Variants in ZSCAN22 observed in about 807,000 individuals in gnomAD.
ZSCAN22 encodes zinc finger and SCAN domain containing 22.
In ZSCAN22, 7 loss-of-function variants were observed where a neutral mutation model predicts 12.4. The ratio of observed to expected loss-of-function variants is 0.57; its 90% CI spans 0.32 to 1.06. The LOEUF (loss-of-function observed/expected upper bound fraction) is 1.06, where lower values mean the gene tolerates loss of function less well. Ranked by LOEUF, ZSCAN22 falls within the 50% of genes least tolerant of loss-of-function variation. The pLI is 0.04. For missense variants in ZSCAN22, 576 were observed against 631.7 expected (o/e 0.91, Z 0.94); for synonymous variants, 243 against 255.9 (o/e 0.95, Z 0.48).
intron 1 of ZSCAN22, among the ~76,000 whole-genome samples, chr19:58,328,439 G>C (rs567514540): frequency 1.7e-4 from 26 of 152,270 alleles, no homozygotes; most frequent in African/African-American, 4.8e-4. Context: ...GTAGCAGGGG[G>C]CTATGGTATC....
chr19:58,331,802 C>T (rs918872694), intron 1 of ZSCAN22, among the ~76,000 whole-genome samples: 7 of 152,006 alleles, frequency 4.6e-5, no homozygotes, highest in African/African-American at 1.7e-4. Context: ...AGCTTGGCCT[C>T]CCAAAGTGTT....
At position 58,330,489 on chromosome 19, in the gene ZSCAN22, T is replaced by C. The variant is rs560931148; in HGVS notation, c.-52+3375T>C. On this transcript the variant is annotated intron_variant, in intron 1 of 2. Transcript: ENST00000329665. The stretch of plus-strand genomic sequence containing the variant: ...ATTGATTGCCCTCACCAATAGTACA[T>C]GAAAGTAGTTTTTTGCTGTCCCTGA... 5.3e-5 allele frequency among the ~76,000 whole-genome samples: 8 copies of C among 152,292 alleles called. No homozygotes were observed. The South Asian group carries it at 1.7e-3, about 32-fold the overall frequency.
At position 58,339,871 on chromosome 19, in the gene ZSCAN22, C is replaced by G. The variant is rs1379348841; in HGVS notation, c.*545C>G. 6.5e-6 allele frequency: 1 copy of G among 154,612 alleles called. No individual in the cohort carries two copies. The highest frequency in any genetic ancestry group is 2.4e-5 in the African/African-American group (1 of 41,472). 9.6% of individuals were successfully genotyped at this position (154,612 alleles called of 1,614,324 possible). On this transcript the variant is annotated 3_prime_UTR_variant, in exon 3 of 3. Coordinates refer to ENST00000329665, the MANE Select transcript of ZSCAN22 (RefSeq NM_181846.3). The surrounding 1 kb of genome is among the most constrained non-coding windows in gnomAD (Gnocchi z 5.6). ...GACTGCCTCTTCCACGATGCCTTTT[C>G]TACACTCTGCCTCTCTCATGGTTTC...
chr19:58,342,130 C>T lies in ZSCAN22; in HGVS notation c.*2804C>T, dbSNP rs995028375. ...TGAGGGAGAAAAAAGGGAATCTACT[C>T]AGAGCCTGTGTGTGCTGCCCAGTCT... On this transcript the variant is annotated 3_prime_UTR_variant, in exon 3 of 3. Coordinates refer to ENST00000329665, the MANE Select transcript of ZSCAN22 (RefSeq NM_181846.3). 2 of 152,250 alleles carry T rather than the reference C, an allele frequency of 1.3e-5. No individual in the cohort carries two copies. The highest frequency in any genetic ancestry group is 4.1e-4 in the South Asian group (2 of 4,828). 9.4% of individuals were successfully genotyped at this position (152,250 alleles called of 1,614,324 possible).
chr19:58,332,886 C>T (rs1234725139), intron 1 of ZSCAN22, among the ~76,000 whole-genome samples: 1 of 152,184 alleles, frequency 6.6e-6, no homozygotes, highest in African/African-American at 2.4e-5. Context: ...GACTGTACTT[C>T]CCACAGTGGC....
chr19:58,338,404 A>AGAGGTCTGGACTATCAGGG lies in ZSCAN22; in HGVS notation c.558_576dup (p.Ile193ValfsTer36). 6.2e-7 allele frequency: 1 copy of AGAGGTCTGGACTATCAGGG among 1,614,188 alleles called. No individual in the cohort carries two copies. The highest frequency in any genetic ancestry group is 8.5e-7 in the Non-Finnish European group (1 of 1,180,018). On this transcript the variant is annotated frameshift_variant, in exon 3 of 3. Coordinates refer to ENST00000329665, the MANE Select transcript of ZSCAN22 (RefSeq NM_181846.3). LOFTEE classifies it low-confidence loss of function (END_TRUNC). This position sits in a 1 kb window ranked among gnomAD's most constrained non-coding sequence, Gnocchi z 5.4. ...GCATGTGAACCTGAGGGCAGCTCAG[A>AGAGGTCTGGACTATCAGGG]GAGGTCTGGACTATCAGGGGAGATC...
Position 58,335,203 on chromosome 19 carries a change from G to A in ZSCAN22, c.401G>A (p.Arg134Lys), listed in dbSNP as rs752383691. ...GATCTGACTCAGGTGCTGGACAAGA[G>A]AGGTAAAGGGGCGCCGTGGGCAGCT... The part of the protein sequence containing the change: ...VEDLTQVLDK[R>K]GWDPGAEPTE... Residue 134 changes from arginine to lysine, a missense_variant and splice_region_variant, in exon 2 of 3, where the codon AGA becomes AAA. Transcript: ENST00000329665. This position sits in a 1 kb window ranked among gnomAD's most constrained non-coding sequence, Gnocchi z 4.1. 5 of 1,586,704 alleles carry A rather than the reference G, an allele frequency of 3.2e-6. No individual in the cohort carries two copies. The highest frequency in any genetic ancestry group is 1.3e-5 in the African/African-American group (1 of 74,244).
rs1331866820 is a variant in ZSCAN22, at chr19:58,335,042, C to T, written c.240C>T (p.Pro80=). The part of the protein sequence containing the change: ...LRALCCQWLQ[P]EAHSKEQILE... ...CGCTGTGCTGTCAGTGGCTGCAGCC[C>T]GAGGCGCACTCCAAGGAGCAGATAC... is the stretch of plus-strand genomic sequence containing the variant. Residue 80 remains proline (P), a synonymous_variant, in exon 2 of 3, where the codon CCC becomes CCT. Coordinates refer to ENST00000329665, the MANE Select transcript of ZSCAN22 (RefSeq NM_181846.3). The surrounding 1 kb of genome is among the most constrained non-coding windows in gnomAD (Gnocchi z 4.1). 3.1e-6 allele frequency: 5 copies of T among 1,613,938 alleles called. No homozygotes were observed. The highest frequency in any genetic ancestry group is 1.7e-5 in the Admixed American group (1 of 59,992).
At chr19:58,333,924 A>G (rs902922158) in intron 1 of ZSCAN22, among the ~76,000 whole-genome samples, 1 of 152,272 alleles carries the variant, frequency 6.6e-6, no homozygotes, top group African/African-American at 2.4e-5. Context: ...TTTTAACTAA[A>G]TGATAATGAA....
chr19:58,331,713 T>C (rs2051728892), intron 1 of ZSCAN22, among the ~76,000 whole-genome samples: 1 of 149,816 alleles, frequency 6.7e-6, no homozygotes, highest in Non-Finnish European at 1.5e-5. Flanking sequence ...CCCAGCTAAT[T>C]TTTTTGTATT....
rs2051854058 is a variant in ZSCAN22 at position 58,340,168 on chromosome 19, T to A, written c.*842T>A. ...TTGATATTACTTAGATCTGACTGTG[T>A]CACTCCAAGGTGGAAAGCTCTCCAA... On this transcript the variant is annotated 3_prime_UTR_variant, in exon 3 of 3. Coordinates refer to ENST00000329665, the MANE Select transcript of ZSCAN22 (RefSeq NM_181846.3). The A allele has an allele frequency of 6.6e-6, 1 of 152,264 alleles. No individual in the cohort carries two copies. Among genetic ancestry groups the A allele is most frequent in the Non-Finnish European group, 1.5e-5 (1 of 68,120 alleles). The allele number at this position is 152,264 out of a possible 1,614,324, so 9.4% of individuals were successfully genotyped here.
intron 1 of ZSCAN22, among the ~76,000 whole-genome samples, chr19:58,333,704 C>A (rs1188664727): frequency 6.6e-6 from 1 of 152,192 alleles, no homozygotes; most frequent in Non-Finnish European, 1.5e-5. Flanking sequence ...ATTAGCCTCA[C>A]ATGGTGGTGC....
chr19:58,338,670 A>G lies in ZSCAN22; in HGVS notation c.820A>G (p.Arg274Gly). The change falls in exon 3 of 3, where the codon AGG becomes GGG. Residue 274 changes from arginine to glycine, a missense_variant. Physicochemically the swap from Arg to Gly is moderately radical, Grantham distance 125. Transcript: ENST00000329665. This position sits in a 1 kb window ranked among gnomAD's most constrained non-coding sequence, Gnocchi z 5.4. The stretch of plus-strand genomic sequence containing the variant: ...GAGGTCCTCCAAGTGTCGCGAGTGT[A>G]GGAAGATGTTCCAGAGTGCTTCGGC... ...GKRSSKCREC[R>G]KMFQSASALE... 1.9e-6 allele frequency: 3 copies of G among 1,614,228 alleles called. No individual in the cohort carries two copies. The highest frequency in any genetic ancestry group is 2.5e-6 in the Non-Finnish European group (3 of 1,180,050).
intron 2 of ZSCAN22, among the ~76,000 whole-genome samples, chr19:58,337,773 G>A (rs889081564): frequency 2.4e-5 from 2 of 85,078 alleles, no homozygotes; most frequent in Non-Finnish European, 4.7e-5. Context: ...GGTGTCGAGT[G>A]TGAGGGACAG....
At position 58,327,043 on chromosome 19, in the gene ZSCAN22, G is replaced by C; in HGVS notation, c.-123G>C. ...TGAGGTGTGCTGGGAGCTGTGGTCC[G>C]GGTCGGCGGGCGCGCAAGTTGGCTA... On this transcript the variant is annotated 5_prime_UTR_variant, in exon 1 of 3. Coordinates refer to ENST00000329665, the MANE Select transcript of ZSCAN22 (RefSeq NM_181846.3). The C allele has an allele frequency of 6.5e-6, 1 of 152,928 alleles. No homozygotes were observed. Among genetic ancestry groups the C allele is most frequent in the South Asian group, 2.0e-4 (1 of 4,958 alleles). The allele number at this position is 152,928 out of a possible 1,614,324, so 9.5% of individuals were successfully genotyped here.
intron 1 of ZSCAN22, among the ~76,000 whole-genome samples, 161 bp downstream of exon 1, chr19:58,327,275 G>A (rs771899206): frequency 5.3e-5 from 8 of 152,258 alleles, no homozygotes; most frequent in Non-Finnish European, 1.0e-4. Context: ...CGGACTGCGA[G>A]TGCCGGACAC....
rs16988668 is a variant in ZSCAN22, at chr19:58,339,390, G to C, written c.*64G>C. On this transcript the variant is annotated 3_prime_UTR_variant, in exon 3 of 3. Transcript: ENST00000329665. This position sits in a 1 kb window ranked among gnomAD's most constrained non-coding sequence, Gnocchi z 5.6. ...CGGAGGCTCGAGGTCTAAGAGAAAC[G>C]CTGAGTTCCTGAAGAGCCACAGACA... The C allele has an allele frequency of 0.069, 98,691 of 1,433,228 alleles. 5,661 individuals carry two copies. The highest frequency in any genetic ancestry group is 0.27 in the African/African-American group (19,015 of 70,070). The allele number at this position is 1,433,228 out of a possible 1,614,324, so 88.8% of individuals were successfully genotyped here.
rs1013464344 is a variant in ZSCAN22 at position 58,338,510 on chromosome 19, C to T, written c.660C>T (p.Gly220=). The T allele has an allele frequency of 6.2e-7, 1 of 1,614,080 alleles. No homozygotes were observed. Among genetic ancestry groups the T allele is most frequent in the Admixed American group, 1.7e-5 (1 of 59,994 alleles). The part of the protein sequence containing the change: ...PYKDVPTDQR[G]RESGASRNSS... The stretch of plus-strand genomic sequence containing the variant: ...AGGATGTCCCCACAGACCAGCGTGG[C>T]CGTGAATCTGGTGCCTCGAGGAACA... Residue 220 remains glycine, a synonymous_variant, in exon 3 of 3, where the codon GGC becomes GGT. Coordinates refer to ENST00000329665, the MANE Select transcript of ZSCAN22 (RefSeq NM_181846.3). This position sits in a 1 kb window ranked among gnomAD's most constrained non-coding sequence, Gnocchi z 5.4.
chr19:58,339,051 A>G lies in ZSCAN22; in HGVS notation c.1201A>G (p.Ile401Val). ...CACGCACCTGACTCAACACCAGCGC[A>G]TCCACACCGGGGAGAAGCCCTACAA... is the stretch of plus-strand genomic sequence containing the variant. ...QSTHLTQHQR[I>V]HTGEKPYKCD... Residue 401 changes from isoleucine (I) to valine (V), a missense_variant, in exon 3 of 3, where the codon ATC becomes GTC. Transcript: ENST00000329665. The surrounding 1 kb of genome is among the most constrained non-coding windows in gnomAD (Gnocchi z 5.6). The G allele has an allele frequency of 6.2e-7, 1 of 1,614,142 alleles. No individual in the cohort carries two copies. Among genetic ancestry groups the G allele is most frequent in the Non-Finnish European group, 8.5e-7 (1 of 1,180,004 alleles).
Sources: allele counts gnomAD v4.1 joint callset (sites outside exome capture counted in the v4.1 genomes callset), GRCh38; gene constraint gnomAD v4.1.1; non-coding constraint Gnocchi (gnomAD v3.1); transcripts MANE v1.5; gene names NCBI Gene and HGNC (gene_info 2026-07-23, HGNC 2026-07-21).